Variants in SNTB1 observed in about 807,000 individuals in gnomAD.
The protein encoded by SNTB1 is beta-1-syntrophin.
SNTB1 carries 36 observed loss-of-function variants against 48.9 expected under a neutral mutation model. The observed-to-expected ratio is 0.74, with a 90% CI of 0.56 to 0.97. The LOEUF is 0.97. SNTB1 is among the 50% of genes least tolerant of loss of function. The pLI, the probability that SNTB1 is intolerant of heterozygous loss-of-function variation, is 0.00. For synonymous variants in SNTB1, 299 were observed against 294.6 expected (o/e 1.01, Z -0.15); for missense variants, 786 against 703.4 (o/e 1.12, Z -1.33).
chr8:120,811,266 C>T lies in SNTB1; in HGVS notation c.571+7G>A, dbSNP rs1347114685. The stretch of plus-strand genomic sequence containing the variant: ...CCGGCGCGGCCCGCGCGCTGTTAAC[C>T]CCTTACCTTCCAGCAGCACTTCCTT... On this transcript the variant is annotated splice_region_variant and intron_variant, in intron 1 of 6. Transcript: ENST00000517992. The T allele has an allele frequency of 6.3e-7, 1 of 1,589,044 alleles. No homozygotes were observed. Among genetic ancestry groups the T allele is most frequent in the South Asian group, 1.1e-5 (1 of 88,672 alleles).
chr8:120,794,813 C>T (rs1181899046), intron 1 of SNTB1, among the ~76,000 whole-genome samples: 1 of 151,992 alleles, frequency 6.6e-6, no homozygotes, highest in Admixed American at 6.6e-5. Context: ...CCACACCTTC[C>T]ATCAGCTGTT....
At chr8:120,754,264 A>AACAT (rs1819275068) in intron 1 of SNTB1, among the ~76,000 whole-genome samples, 1 of 152,096 alleles carries the variant, frequency 6.6e-6, no homozygotes, top group Non-Finnish European at 1.5e-5. Flanking sequence ...AGACTGAGGC[A>AACAT]GGTGGATTGC....
chr8:120,749,626 G>C (rs1439458835), intron 1 of SNTB1, among the ~76,000 whole-genome samples: 1 of 152,022 alleles, frequency 6.6e-6, no homozygotes, highest in South Asian at 2.1e-4. Flanking sequence ...TATTGAGAAA[G>C]TCTTATGAAC....
At chr8:120,808,801 C>A (rs550504284) in intron 1 of SNTB1, among the ~76,000 whole-genome samples, 1 of 152,138 alleles carries the variant, frequency 6.6e-6, no homozygotes, top group South Asian at 2.1e-4. Flanking sequence ...CACCAGGGGG[C>A]GCATGTCATG....
intron 2 of SNTB1, among the ~76,000 whole-genome samples, chr8:120,663,029 G>A (rs555884757): frequency 6.9e-6 from 1 of 145,130 alleles, no homozygotes; most frequent in South Asian, 2.4e-4. Flanking sequence ...GCTGGTGGGG[G>A]GGGTATTTGG....
chr8:120,566,666 G>A (rs1304779113), intron 4 of SNTB1, among the ~76,000 whole-genome samples: 2 of 152,178 alleles, frequency 1.3e-5, no homozygotes. Context: ...GCCTGTGTCA[G>A]AAACACCTGG....
intron 2 of SNTB1, among the ~76,000 whole-genome samples, chr8:120,687,345 T>C (rs1257638473): frequency 6.6e-6 from 1 of 152,228 alleles, no homozygotes; most frequent in Admixed American, 6.5e-5. Context: ...CCAAATCCAC[T>C]GTTTCGTACT....
chr8:120,777,034 T>C (rs1458774910), intron 1 of SNTB1, among the ~76,000 whole-genome samples: 1 of 152,128 alleles, frequency 6.6e-6, no homozygotes, highest in Non-Finnish European at 1.5e-5. Flanking sequence ...CTAATACCAA[T>C]CTTCAACTAG....
intron 3 of SNTB1, among the ~76,000 whole-genome samples, chr8:120,622,596 G>A (rs1816811335): frequency 6.6e-6 from 1 of 152,038 alleles, no homozygotes; most frequent in South Asian, 2.1e-4. Context: ...AGGGACAAGG[G>A]AGCAAGTAAA....
intron 5 of SNTB1, 54 bp from the exon 6 acceptor site, chr8:120,542,054 C>A (rs1586985177): frequency 2.0e-6 from 3 of 1,465,358 alleles, no homozygotes; most frequent in Non-Finnish European, 2.8e-6. Context: ...GCAATCAATC[C>A]ATTTTCCCAA....
chr8:120,760,007 C>T (rs931777609), intron 1 of SNTB1, among the ~76,000 whole-genome samples: 1 of 152,090 alleles, frequency 6.6e-6, no homozygotes, highest in South Asian at 2.1e-4. Flanking sequence ...GTTTTGTTGG[C>T]CATACAGTCT....
intron 4 of SNTB1, among the ~76,000 whole-genome samples, chr8:120,551,905 A>T (rs1053273680): frequency 3.9e-5 from 6 of 152,172 alleles, no homozygotes; most frequent in African/African-American, 1.4e-4. Context: ...ATAGTAAAAT[A>T]TACAGAGCAC....
chr8:120,698,683 A>G (rs777072291), intron 1 of SNTB1, among the ~76,000 whole-genome samples: 2 of 152,174 alleles, frequency 1.3e-5, no homozygotes, highest in Non-Finnish European at 1.5e-5. Flanking sequence ...AGGCTTGGCT[A>G]TCAATTGTAG....
intron 1 of SNTB1, among the ~76,000 whole-genome samples, chr8:120,766,299 A>G (rs1819523988): frequency 6.6e-6 from 1 of 152,186 alleles, no homozygotes; most frequent in South Asian, 2.1e-4. Flanking sequence ...ATAATTGGCC[A>G]AACTACTAAA....
intron 4 of SNTB1, among the ~76,000 whole-genome samples, chr8:120,559,163 A>G (rs538618753): frequency 6.6e-6 from 1 of 152,290 alleles, no homozygotes; most frequent in African/African-American, 2.4e-5. Flanking sequence ...AAAAAAAGTG[A>G]TCTTGAAAGG....
intron 1 of SNTB1, 66 bp downstream of exon 1, chr8:120,811,207 G>C (rs1049551078): frequency 5.9e-6 from 9 of 1,522,052 alleles, no homozygotes; most frequent in South Asian, 5.1e-5. Flanking sequence ...GAGTGTGAGC[G>C]TGCGGGTGGG....
intron 3 of SNTB1, among the ~76,000 whole-genome samples, chr8:120,590,419 G>A (rs1764922330): frequency 6.6e-6 from 1 of 151,592 alleles, no homozygotes; most frequent in African/African-American, 2.4e-5. Context: ...CTATTTCATA[G>A]GATTATTGTG....
intron 1 of SNTB1, among the ~76,000 whole-genome samples, chr8:120,794,544 A>G (rs118021441): frequency 0.01 from 1,523 of 152,170 alleles, 17 homozygotes; most frequent in Non-Finnish European, 0.015. Context: ...TGCAAGGTAA[A>G]TATATAAAGA....
chr8:120,795,773 T>A (rs1820110799), intron 1 of SNTB1, among the ~76,000 whole-genome samples: 1 of 152,004 alleles, frequency 6.6e-6, no homozygotes, highest in Non-Finnish European at 1.5e-5. Context: ...GAGACTCTTC[T>A]GTGCCTTGCT....
Sources: gnomAD v4.1 joint callset for allele counts (sites outside exome capture counted in the v4.1 genomes callset) on GRCh38, gnomAD v4.1.1 for gene constraint, MANE v1.5 for transcripts, NCBI Gene and HGNC (gene_info 2026-07-23, HGNC 2026-07-21) for gene names.